ABLIM3: variants seen among roughly 807,000 people sequenced by gnomAD.
ABLIM3 encodes actin-binding LIM protein 3.
Under a neutral mutation model 109.5 loss-of-function variants are expected in ABLIM3, and 61 were observed. The ratio of observed to expected loss-of-function variants is 0.56; its 90% CI spans 0.45 to 0.69. The LOEUF (loss-of-function observed/expected upper bound fraction) is 0.69. Among genes scored for constraint, ABLIM3 ranks in the 30% least tolerant of loss-of-function variants. The pLI, the probability that ABLIM3 is intolerant of heterozygous loss-of-function variation, is 0.00. For missense variants in ABLIM3, 796 were observed against 889.5 expected (o/e 0.89, Z 1.34); for synonymous variants, 300 against 324.8 (o/e 0.92, Z 0.82).
At chr5:149,169,823 A>C (rs1755202779) in intron 2 of ABLIM3, among the ~76,000 whole-genome samples, 3 of 152,196 alleles carry the variant, frequency 2.0e-5, no homozygotes, top group African/African-American at 7.2e-5. Context: ...CTCATGTTAG[A>C]TACAGGAGGT....
At chr5:149,241,542 T>G (rs1027244718) in intron 14 of ABLIM3, among the ~76,000 whole-genome samples, 2 of 152,120 alleles carry the variant, frequency 1.3e-5, no homozygotes, top group African/African-American at 2.4e-5. Context: ...GTGTGGGTCA[T>G]GAGATCAGGA....
In ABLIM3 at chr5:149,171,967, C is replaced by T. The variant is rs1015573578; in HGVS notation, c.14-11485C>T. On this transcript the variant is annotated intron_variant, in intron 2 of 23. Coordinates refer to ENST00000309868, the MANE Select transcript of ABLIM3 (RefSeq NM_014945.5). ...ATTGTCCACTAGAGCAGCCACTAGA[C>T]ACATGCGGATACTGAGTACTTGAAA... Among the ~76,000 whole-genome samples, 4 of 146,832 alleles carry T rather than the reference C, an allele frequency of 2.7e-5. No homozygotes were observed. The East Asian group carries it at 8.3e-4, about 30-fold the overall frequency.
At chr5:149,174,368 A>C (rs1755734663) in intron 2 of ABLIM3, 1 of 152,022 alleles carries the variant, frequency 6.6e-6, no homozygotes, top group Non-Finnish European at 1.5e-5. Context: ...AGCCGGGTTC[A>C]CAGTTAAGAT....
intron 2 of ABLIM3, among the ~76,000 whole-genome samples, chr5:149,159,466 G>A (rs964968309): frequency 6.6e-6 from 1 of 152,144 alleles, no homozygotes; most frequent in Non-Finnish European, 1.5e-5. Flanking sequence ...CTATACATTT[G>A]TCAAAACTTA....
chr5:149,242,818 T>C (rs928901878), intron 15 of ABLIM3, among the ~76,000 whole-genome samples: 3 of 152,214 alleles, frequency 2.0e-5, no homozygotes, highest in Non-Finnish European at 4.4e-5. Flanking sequence ...TGGTAAAACC[T>C]TTGTAAAACG....
rs368344944 is a variant in ABLIM3, at chr5:149,161,890, CTG to C, written c.13+19796_13+19797del. ...TTGTGTGTGTGTGTGTATGCGTGGG[CTG>C]TGTGTGTGTGTGTATGTGTATGTGT... On this transcript the variant is annotated intron_variant, in intron 2 of 23. Coordinates refer to ENST00000309868, the MANE Select transcript of ABLIM3 (RefSeq NM_014945.5). Among the ~76,000 whole-genome samples the C allele has an allele frequency of 6.3e-3, 942 of 149,818 alleles. 3 individuals carry two copies. Among genetic ancestry groups the C allele is most frequent in the Non-Finnish European group, 9.6e-3 (646 of 67,186 alleles).
At chr5:149,190,273 C>T (rs1485131418) in intron 3 of ABLIM3, among the ~76,000 whole-genome samples, 1 of 152,074 alleles carries the variant, frequency 6.6e-6, no homozygotes, top group African/African-American at 2.4e-5. Flanking sequence ...TGAAAACGTT[C>T]TGGAATTAGA....
intron 12 of ABLIM3, among the ~76,000 whole-genome samples, 153 bp from the exon 13 acceptor site, chr5:149,239,604 CTG>C (rs766377020): frequency 4.0e-5 from 6 of 149,412 alleles, no homozygotes; most frequent in South Asian, 2.2e-4. Context: ...CTTCCTCGGG[CTG>C]TGTGTGTAAC....
rs1561561538 is a variant in ABLIM3 at position 149,183,551 on chromosome 5, A to G, written c.113A>G (p.His38Arg). ...DTCKGEVVRV[H>R]NNHFHIRCFT... ...TGCAAAGGGGAAGTGGTCCGCGTGC[A>G]CAACAACCACTTCCACATCAGATGC... The change falls in exon 3 of 24, where the codon CAC (histidine) becomes CGC (arginine). Residue 38 changes from histidine to arginine, a missense_variant. By Grantham distance (29) the His-to-Arg change is conservative. Transcript: ENST00000309868. 6.3e-7 allele frequency: 1 copy of G among 1,587,958 alleles called. No individual in the cohort carries two copies.
In ABLIM3 at chr5:149,233,241, T is replaced by C; in HGVS notation, c.829T>C (p.Ser277Pro). The change falls in exon 10 of 24, where the codon TCT (serine) becomes CCT (proline). Residue 277 changes from serine (S) to proline (P), a missense_variant. Coordinates refer to ENST00000309868, the MANE Select transcript of ABLIM3 (RefSeq NM_014945.5). Reference sequence around the variant, plus strand: ...ATCTCTCTCACAGCATAGACGGACATCTGAAACCTCCATCTCACCCCCTGG... The same window carrying C: ...ATCTCTCTCACAGCATAGACGGACACCTGAAACCTCCATCTCACCCCCTGG... Reference protein sequence around the residue: ...AEKKLKHRRTSETSISPPGSS... With the variant: ...AEKKLKHRRTPETSISPPGSS... 6.2e-7 allele frequency: 1 copy of C among 1,614,190 alleles called. No individual in the cohort carries two copies. Among genetic ancestry groups the C allele is most frequent in the Non-Finnish European group, 8.5e-7 (1 of 1,180,016 alleles).
At chr5:149,188,203 G>C (rs1311662475) in intron 3 of ABLIM3, among the ~76,000 whole-genome samples, 1 of 152,114 alleles carries the variant, frequency 6.6e-6, no homozygotes, top group Non-Finnish European at 1.5e-5. Flanking sequence ...AAGGCATCCA[G>C]ATTAAAAAGG....
At position 149,198,384 on chromosome 5, in the gene ABLIM3, T is replaced by TCGTGTGCAG. The variant is rs1451055937; in HGVS notation, c.319_327dup (p.Val107_Ser109dup). 4.3e-6 allele frequency: 7 copies of TCGTGTGCAG among 1,611,962 alleles called. No homozygotes were observed. Among genetic ancestry groups the TCGTGTGCAG allele is most frequent in the Non-Finnish European group, 5.9e-6 (7 of 1,178,898 alleles). On this transcript the variant is annotated inframe_insertion, in exon 4 of 24. Transcript: ENST00000309868. This position sits in a 1 kb window ranked among gnomAD's most constrained non-coding sequence, Gnocchi z 4.2. Reference sequence around the variant, plus strand: ...GGCCGCACTTACCACCCCAAGTGCTTCGTGTGCAGCTTGTGCAGGTGAGTG... The same window carrying TCGTGTGCAG: ...GGCCGCACTTACCACCCCAAGTGCTTCGTGTGCAGCGTGTGCAGCTTGTGCAGGTGAGTG...
intron 5 of ABLIM3, among the ~76,000 whole-genome samples, chr5:149,206,259 G>T (rs949774027): frequency 6.6e-6 from 1 of 152,186 alleles, no homozygotes; most frequent in African/African-American, 2.4e-5. Flanking sequence ...GTCAGGGAGT[G>T]AGGGCACCTT....
intron 2 of ABLIM3, among the ~76,000 whole-genome samples, chr5:149,154,878 T>G (rs537046449): frequency 6.6e-6 from 1 of 152,302 alleles, no homozygotes; most frequent in South Asian, 2.1e-4. Context: ...TGAGCCCACT[T>G]ACGCTTCACA....
At chr5:149,209,239 T>G (rs1385841125) in intron 6 of ABLIM3, among the ~76,000 whole-genome samples, 1 of 152,196 alleles carries the variant, frequency 6.6e-6, no homozygotes, top group Non-Finnish European at 1.5e-5. Context: ...AGAGCTCCTC[T>G]CAAGGAGGCC....
At chr5:149,217,295 C>T in intron 8 of ABLIM3, 1 of 539,962 alleles carries the variant, frequency 1.9e-6, no homozygotes, top group East Asian at 3.3e-5. Context: ...AGCTGGACTG[C>T]TTCCCTGGCA....
intron 2 of ABLIM3, among the ~76,000 whole-genome samples, chr5:149,154,981 G>C (rs937654288): frequency 2.6e-5 from 4 of 152,190 alleles, no homozygotes; most frequent in Non-Finnish European, 5.9e-5. Context: ...AAATCACAAA[G>C]TTAAGAAAAG....
chr5:149,151,354 G>A lies in ABLIM3; in HGVS notation c.13+9246G>A, dbSNP rs184357118. ...CTGTAAAGACTCTATTGCCAAATACGGTTATATTCTGAGGTACTGAGGGGT... is the reference window on the plus strand; with the variant it reads ...CTGTAAAGACTCTATTGCCAAATACAGTTATATTCTGAGGTACTGAGGGGT... On this transcript the variant is annotated intron_variant, in intron 2 of 23. Transcript: ENST00000309868. Among the ~76,000 whole-genome samples, 649 of 152,266 alleles carry A rather than the reference G, an allele frequency of 4.3e-3. 2 individuals are homozygous for A. The highest frequency in any genetic ancestry group is 0.015 in the African/African-American group (607 of 41,546).
chr5:149,209,810 G>A (rs559283204), intron 6 of ABLIM3, among the ~76,000 whole-genome samples: 6 of 152,230 alleles, frequency 3.9e-5, no homozygotes, highest in South Asian at 4.2e-4. Flanking sequence ...GACCTTGGTC[G>A]GACATCTTCA....
Sources: gnomAD v4.1 joint callset for allele counts (sites outside exome capture counted in the v4.1 genomes callset) on GRCh38, gnomAD v4.1.1 for gene constraint, Gnocchi (gnomAD v3.1) non-coding constraint, MANE v1.5 for transcripts, NCBI Gene and HGNC (gene_info 2026-07-23, HGNC 2026-07-21) for gene names.